KIF21A: variants seen among roughly 807,000 people sequenced by gnomAD.
KIF21A encodes kinesin family member 21A.
KIF21A carries 114 observed loss-of-function variants against 202.9 expected under a neutral mutation model. The observed-to-expected ratio is 0.56, with a 90% CI of 0.48 to 0.66. The LOEUF is 0.66. Ranked by LOEUF, KIF21A falls within the 30% of genes least tolerant of loss-of-function variation. The probability of loss-of-function intolerance (pLI) is 0.00; values close to 1 mark genes in which losing one functional copy is unlikely to be tolerated. For synonymous variants in KIF21A, 667 were observed against 670.8 expected (o/e 0.99, Z 0.09); for missense variants, 1,677 against 1,994.9 (o/e 0.84, Z 3.04).
chr12:39,303,010 A>T lies in KIF21A; in HGVS notation c.4686T>A (p.Asp1562Glu). The T allele has an allele frequency of 1.9e-6, 3 of 1,614,048 alleles. No homozygotes were observed. The highest frequency in any genetic ancestry group is 2.5e-6 in the Non-Finnish European group (3 of 1,179,910). The change falls in exon 36 of 38, where the codon GAT becomes GAA. Residue 1562 changes from aspartate (D) to glutamate (E), a missense_variant. Physicochemically the swap from Asp to Glu is conservative, Grantham distance 45. Around this residue, in one of 3 missense-constraint regions of KIF21A, gnomAD observed 705 missense variants for 791.9 expected, o/e 0.89. Coordinates refer to ENST00000361418, the MANE Select transcript of KIF21A (RefSeq NM_001173464.2). ...QGDNLFSGSRDNGIKKWDLTQ... is the reference protein window; with the variant it reads ...QGDNLFSGSRENGIKKWDLTQ... ...TTAAGTCCCATTTCTTGATTCCATT[A>T]TCTCTAGACCCACTAAATAGGTTAT...
At chr12:39,345,670 T>G (rs1947831285) in intron 12 of KIF21A, among the ~76,000 whole-genome samples, 1 of 151,902 alleles carries the variant, frequency 6.6e-6, no homozygotes, top group Non-Finnish European at 1.5e-5. Flanking sequence ...ACCTTGAAAC[T>G]AGTATATTTT....
intron 37 of KIF21A, 56 bp from the exon 38 acceptor site, chr12:39,294,573 ATAGCTCTTATAATTACT>A (rs1225469904): frequency 7.2e-6 from 9 of 1,256,076 alleles, no homozygotes; most frequent in Middle Eastern, 3.7e-4. Context: ...AGATAAAGAA[ATAGCTCTTATAATTACT>A]TATCATGGAA....
At chr12:39,296,734 A>AAG (rs1436954359) in intron 37 of KIF21A, among the ~76,000 whole-genome samples, 1 of 152,196 alleles carries the variant, frequency 6.6e-6, no homozygotes, top group African/African-American at 2.4e-5. Context: ...AGGACCAGCA[A>AAG]AGAGGTTATT....
Position 39,322,655 on chromosome 12 carries a change from G to A in KIF21A, c.3671+13C>T, listed in dbSNP as rs534520226. 27 of 1,608,046 alleles carry A rather than the reference G, an allele frequency of 1.7e-5. 1 individual carries two copies. The South Asian group carries it at 2.6e-4, about 16-fold the overall frequency. On this transcript the variant is annotated intron_variant, in intron 27 of 37. Transcript: ENST00000361418. ...CAAAAGAAAAGAAGTTAGTGTAGCT[G>A]GGCCAAACTTACATGCTGCCTATCT... is the stretch of plus-strand genomic sequence containing the variant.
At chr12:39,439,823 T>C (rs1303072355) in intron 1 of KIF21A, among the ~76,000 whole-genome samples, 1 of 152,158 alleles carries the variant, frequency 6.6e-6, no homozygotes, top group Non-Finnish European at 1.5e-5. Flanking sequence ...TAAATGAGAA[T>C]CTTTCTGTTT....
At chr12:39,412,703 G>T (rs1953208371) in intron 1 of KIF21A, among the ~76,000 whole-genome samples, 1 of 152,050 alleles carries the variant, frequency 6.6e-6, no homozygotes, top group South Asian at 2.1e-4. Context: ...GGGTGACAGA[G>T]CCAGACCCTG....
intron 1 of KIF21A, among the ~76,000 whole-genome samples, chr12:39,417,359 A>G (rs1450632166): frequency 6.6e-6 from 1 of 152,182 alleles, no homozygotes; most frequent in Non-Finnish European, 1.5e-5. Flanking sequence ...TTGTTCAGTC[A>G]TGATTATATT....
chr12:39,331,224 A>AT (rs1946478065), intron 22 of KIF21A, among the ~76,000 whole-genome samples: 1 of 152,172 alleles, frequency 6.6e-6, no homozygotes, highest in African/African-American at 2.4e-5. Flanking sequence ...AAAAAAAAAA[A>AT]GTGAGTCAGA....
chr12:39,396,072 C>T (rs1951733059), intron 1 of KIF21A, among the ~76,000 whole-genome samples: 1 of 151,980 alleles, frequency 6.6e-6, no homozygotes, highest in South Asian at 2.1e-4. Context: ...CCACCATCAT[C>T]GGGACAAAGT....
intron 10 of KIF21A, among the ~76,000 whole-genome samples, chr12:39,354,292 A>C (rs544888893): frequency 6.2e-4 from 95 of 152,318 alleles, no homozygotes; most frequent in Non-Finnish European, 3.5e-4. Flanking sequence ...TAACATTGAA[A>C]AATGTTCATA....
intron 32 of KIF21A, among the ~76,000 whole-genome samples, chr12:39,311,106 G>T (rs1207983670): frequency 6.6e-6 from 1 of 151,976 alleles, no homozygotes; most frequent in East Asian, 1.9e-4. Context: ...TTCCCATATT[G>T]TATATTTAAA....
At chr12:39,355,720 T>C (rs906550586) in intron 10 of KIF21A, among the ~76,000 whole-genome samples, 2 of 140,038 alleles carry the variant, frequency 1.4e-5, no homozygotes, top group African/African-American at 5.7e-5. Context: ...TATATATATA[T>C]ATATATATAT....
chr12:39,307,664 G>A lies in KIF21A; in HGVS notation c.4343C>T (p.Pro1448Leu). 6.2e-7 allele frequency: 1 copy of A among 1,613,972 alleles called. No individual in the cohort carries two copies. Among genetic ancestry groups the A allele is most frequent in the South Asian group, 1.1e-5 (1 of 91,076 alleles). ...TTGATTGATCTGGTTCTCTCCAGAAGGAATAGCTACTGTTCGACTGGTACT... is the reference window on the plus strand; with the variant it reads ...TTGATTGATCTGGTTCTCTCCAGAAAGAATAGCTACTGTTCGACTGGTACT... ...SASTSRTVAI[P>L]SGENQINQIA... The change falls in exon 34 of 38, where the codon CCT (proline) becomes CTT (leucine). Residue 1448 changes from proline (P) to leucine (L), a missense_variant. Physicochemically the swap from Pro to Leu is moderately conservative, Grantham distance 98 (BLOSUM62 -3). Transcript: ENST00000361418.
intron 1 of KIF21A, among the ~76,000 whole-genome samples, chr12:39,371,806 G>A (rs1462445282): frequency 6.6e-6 from 1 of 151,944 alleles, no homozygotes; most frequent in Non-Finnish European, 1.5e-5. Context: ...GGTGCAGCCT[G>A]TAATCCCAGC....
At chr12:39,441,664 A>AAAAAAAAAAAAAAAAAAAAAC in intron 1 of KIF21A, among the ~76,000 whole-genome samples, 2 of 120,708 alleles carry the variant, frequency 1.7e-5, no homozygotes, top group Non-Finnish European at 3.5e-5. Flanking sequence ...GGGTGGTAAA[A>AAAAAAAAAAAAAAAAAAAAAC]AAAAAAAAAA....
chr12:39,424,687 C>CT (rs373568945), intron 1 of KIF21A, among the ~76,000 whole-genome samples: 162 of 152,262 alleles, frequency 1.1e-3, no homozygotes, highest in African/African-American at 3.6e-3. Context: ...CCTAACAGCT[C>CT]TATCTCCCCA....
In KIF21A at chr12:39,368,037, C is replaced by CA. The variant is rs541967193; in HGVS notation, c.451-6dup. 15 of 1,558,704 alleles carry CA rather than the reference C, an allele frequency of 9.6e-6. No homozygotes were observed. The highest frequency in any genetic ancestry group is 1.7e-5 in the Admixed American group (1 of 59,092). ...AAGGACCTCTTCATTATAGAGCTAT[C>CA]AAAAAAATATTAGAAATCTAATTTT... is the stretch of plus-strand genomic sequence containing the variant. On this transcript the variant is annotated splice_polypyrimidine_tract_variant and splice_region_variant and intron_variant, in intron 3 of 37. Transcript: ENST00000361418.
At chr12:39,321,512 A>G (rs1226751664) in intron 27 of KIF21A, 1 of 152,218 alleles carries the variant, frequency 6.6e-6, no homozygotes, top group Non-Finnish European at 1.5e-5. Flanking sequence ...TCACAAAAGC[A>G]ATGAAGCCAT....
At chr12:39,356,748 CTA>C in intron 10 of KIF21A, 82 bp downstream of exon 10, 1 of 715,724 alleles carries the variant, frequency 1.4e-6, no homozygotes, top group Admixed American at 2.0e-5. Flanking sequence ...CTGTTGAACA[CTA>C]AGCCCAACAA....
Sources: gnomAD v4.1 joint callset for allele counts (sites outside exome capture counted in the v4.1 genomes callset) on GRCh38, gnomAD v4.1.1 for gene constraint, gnomAD v4.1.1 regional missense constraint, MANE v1.5 for transcripts, NCBI Gene and HGNC (gene_info 2026-07-23, HGNC 2026-07-21) for gene names.